The following DLGAP1 variants were observed in gnomAD, a reference collection of about 807,000 sequenced individuals.
DLGAP1 encodes disks large-associated protein 1.
DLGAP1 carries 11 observed loss-of-function variants against 90.8 expected under a neutral mutation model. That is an observed-to-expected ratio of 0.12 (90% confidence interval 0.08 to 0.20). The LOEUF (loss-of-function observed/expected upper bound fraction) is 0.20. Among genes scored for constraint, DLGAP1 ranks in the 10% least tolerant of loss-of-function variants. DLGAP1 has a pLI of 1.00. For synonymous variants in DLGAP1, 558 were observed against 540.7 expected (o/e 1.03, Z -0.44); for missense variants, 1,050 against 1,333.8 (o/e 0.79, Z 3.31).
chr18:3,939,416 C>CAAAA (rs10591716), intron 3 of DLGAP1, among the ~76,000 whole-genome samples: 88 of 82,108 alleles, frequency 1.1e-3, no homozygotes, highest in Non-Finnish European at 1.4e-3. Flanking sequence ...GATTCTGTCT[C>CAAAA]AAAAAAAAAA....
At chr18:3,776,216 T>C (rs1353038441) in intron 5 of DLGAP1, among the ~76,000 whole-genome samples, 3 of 152,174 alleles carry the variant, frequency 2.0e-5, no homozygotes, top group Admixed American at 1.3e-4. Context: ...AAAGGGACTA[T>C]AGATCCTCAG....
At chr18:3,509,633 T>G (rs1218704373) in intron 10 of DLGAP1, among the ~76,000 whole-genome samples, 1 of 152,202 alleles carries the variant, frequency 6.6e-6, no homozygotes, top group Non-Finnish European at 1.5e-5. Context: ...TCTGGAAATC[T>G]TCACGGGATG....
intron 7 of DLGAP1, among the ~76,000 whole-genome samples, chr18:3,708,680 A>G (rs2061511509): frequency 6.6e-6 from 1 of 152,236 alleles, no homozygotes; most frequent in Admixed American, 6.5e-5. Flanking sequence ...AAGTAAGCAC[A>G]ATCGTAAGTA....
intron 3 of DLGAP1, among the ~76,000 whole-genome samples, chr18:3,994,555 C>T (rs1248319537): frequency 6.6e-6 from 1 of 152,142 alleles, no homozygotes; most frequent in African/African-American, 2.4e-5. Flanking sequence ...GCTGAAATTT[C>T]GAGTTGCAGA....
chr18:4,039,393 C>T (rs1468920250), intron 2 of DLGAP1, among the ~76,000 whole-genome samples: 2 of 152,122 alleles, frequency 1.3e-5, no homozygotes, highest in Non-Finnish European at 2.9e-5. Context: ...CAGAAGATGT[C>T]CAGGATGGAT....
chr18:3,795,473 G>A (rs1006593940), intron 5 of DLGAP1, among the ~76,000 whole-genome samples: 11 of 151,784 alleles, frequency 7.2e-5, no homozygotes, highest in Non-Finnish European at 1.0e-4. Context: ...CCACCACCAC[G>A]CCCAGCTAAT....
At position 4,019,806 on chromosome 18, in the gene DLGAP1, C is replaced by CGT. The variant is rs1568355250; in HGVS notation, c.-158-14607_-158-14606dup. ...AGGAAACGAGACACATAGGCGCGCGCGTGTGCGCGCACACACACACACATA... is the reference window on the plus strand; with the variant it reads ...AGGAAACGAGACACATAGGCGCGCGCGTGTGTGCGCGCACACACACACACATA... On this transcript the variant is annotated intron_variant, in intron 2 of 12. Coordinates refer to ENST00000315677, the MANE Select transcript of DLGAP1 (RefSeq NM_004746.4). Among the ~76,000 whole-genome samples, 212 of 144,742 alleles carry CGT rather than the reference C, an allele frequency of 1.5e-3. 1 individual carries two copies. The highest frequency in any genetic ancestry group is 5.3e-3 in the African/African-American group (202 of 38,348). The allele number at this position is 144,742 out of a possible 152,430, so 95.0% of individuals were successfully genotyped here. A position where few individuals can be genotyped will look rare whatever the true frequency, so the allele number is the denominator to read the frequency against.
At chr18:4,018,122 G>C (rs2074552458) in intron 2 of DLGAP1, among the ~76,000 whole-genome samples, 1 of 152,204 alleles carries the variant, frequency 6.6e-6, no homozygotes, top group Non-Finnish European at 1.5e-5. Context: ...GCTATGACAA[G>C]TGATGCTGTG....
At position 3,525,680 on chromosome 18, in the gene DLGAP1, T is replaced by G. The variant is rs375310758; in HGVS notation, c.2479+8514A>C. Among the ~76,000 whole-genome samples, 853 of 152,356 alleles carry G rather than the reference T, an allele frequency of 5.6e-3. 12 individuals are homozygous for G. The highest frequency in any genetic ancestry group is 0.02 in the African/African-American group (821 of 41,592). The stretch of plus-strand genomic sequence containing the variant: ...TCCCAAAGTGCTGGGATTATAGGCA[T>G]GAGCCACTGCGCCCCACCAGTCCAT... On this transcript the variant is annotated intron_variant, in intron 10 of 12. Transcript: ENST00000315677.
intron 3 of DLGAP1, among the ~76,000 whole-genome samples, chr18:3,952,826 A>G (rs2073014815): frequency 6.6e-6 from 1 of 152,188 alleles, no homozygotes; most frequent in Non-Finnish European, 1.5e-5. Context: ...GGCAGGAGAG[A>G]GTTTACAATA....
chr18:4,365,380 A>T (rs544003342), intron 1 of DLGAP1, among the ~76,000 whole-genome samples: 1 of 152,268 alleles, frequency 6.6e-6, no homozygotes, highest in Admixed American at 6.5e-5. Flanking sequence ...CAGAAAGCAG[A>T]TTACTGGTTG....
At chr18:3,557,487 A>C (rs556324069) in intron 9 of DLGAP1, among the ~76,000 whole-genome samples, 1 of 152,252 alleles carries the variant, frequency 6.6e-6, no homozygotes, top group East Asian at 1.9e-4. Flanking sequence ...ACACCACTGC[A>C]CTCCAGCCTG....
intron 2 of DLGAP1, among the ~76,000 whole-genome samples, chr18:4,039,127 C>G (rs571843275): frequency 1.4e-4 from 21 of 152,308 alleles, no homozygotes; most frequent in Admixed American, 1.1e-3. Context: ...TTCAGCTCAG[C>G]TTTTAGAAAT....
In DLGAP1 at chr18:3,653,488, T is replaced by C. The variant is rs1311428683; in HGVS notation, c.1592-71240A>G. On this transcript the variant is annotated intron_variant, in intron 7 of 12. Transcript: ENST00000315677. The surrounding 1 kb of genome is among the most constrained non-coding windows in gnomAD (Gnocchi z 4.6). Reference sequence around the variant, plus strand: ...TCAAAGGACATTCCACCTTTAACCTTAGCATTCATGAGACACAAAATGGGT... The same window carrying C: ...TCAAAGGACATTCCACCTTTAACCTCAGCATTCATGAGACACAAAATGGGT... 6.6e-6 allele frequency: 1 copy of C among 152,230 alleles called. No individual in the cohort carries two copies. The highest frequency in any genetic ancestry group is 1.5e-5 in the Non-Finnish European group (1 of 68,050). The allele number at this position is 152,230 out of a possible 1,614,324, so 9.4% of individuals were successfully genotyped here. A position where few individuals can be genotyped will look rare whatever the true frequency, so the allele number is the denominator to read the frequency against.
intron 2 of DLGAP1, among the ~76,000 whole-genome samples, chr18:4,011,667 T>TA (rs2074425059): frequency 1.3e-5 from 2 of 151,658 alleles, no homozygotes; most frequent in African/African-American, 4.8e-5. Flanking sequence ...AAAATAAAAA[T>TA]AAAAAAATTA....
At chr18:3,794,999 G>A (rs1397158427) in intron 5 of DLGAP1, among the ~76,000 whole-genome samples, 1 of 152,234 alleles carries the variant, frequency 6.6e-6, no homozygotes, top group Non-Finnish European at 1.5e-5. Context: ...TCTTAGAGAT[G>A]CAAACGATCC....
chr18:3,512,315 GGT>G (rs1345285054), intron 10 of DLGAP1, among the ~76,000 whole-genome samples: 2 of 152,090 alleles, frequency 1.3e-5, no homozygotes, highest in East Asian at 3.9e-4. Context: ...GGCACCTGAT[GGT>G]GAGGCTTATA....
rs2059469808 is a variant in DLGAP1, at chr18:3,656,005, A to C, written c.1591+73130T>G. ...GCACATGGCGTCAAACACCACTGCC[A>C]CAGAAGCTTTTTAGCTACAAGCCAC... On this transcript the variant is annotated intron_variant, in intron 7 of 12. Coordinates refer to ENST00000315677, the MANE Select transcript of DLGAP1 (RefSeq NM_004746.4). 3.6e-6 allele frequency: 5 copies of C among 1,381,588 alleles called. No individual in the cohort carries two copies. In the Admixed American group the frequency reaches 1.3e-4, roughly 36 times the overall value. The allele number at this position is 1,381,588 out of a possible 1,614,324, so 85.6% of individuals were successfully genotyped here.
At chr18:4,249,393 G>A (rs628229) in intron 1 of DLGAP1, among the ~76,000 whole-genome samples, 61,574 of 147,202 alleles carry the variant, frequency 0.42, 14,062 homozygotes, top group East Asian at 0.59. Context: ...CTGGCTACAC[G>A]AGAGTACTAA....
Sources: gnomAD v4.1 joint callset for allele counts (sites outside exome capture counted in the v4.1 genomes callset) on GRCh38, gnomAD v4.1.1 for gene constraint, Gnocchi (gnomAD v3.1) non-coding constraint, MANE v1.5 for transcripts, NCBI Gene and HGNC (gene_info 2026-07-23, HGNC 2026-07-21) for gene names.